RBFOX1: variants seen among roughly 807,000 people sequenced by gnomAD.
RBFOX1 encodes RNA binding fox-1 homolog 1, also known as RNA binding protein fox-1 homolog 1.
Under a neutral mutation model 57.7 loss-of-function variants are expected in RBFOX1, and 8 were observed. The ratio of observed to expected loss-of-function variants is 0.14; its 90% CI spans 0.08 to 0.25. The LOEUF is 0.25. Ranked by LOEUF, RBFOX1 falls within the 10% of genes least tolerant of loss-of-function variation. The pLI is 1.00. For synonymous variants in RBFOX1, 326 were observed against 222.4 expected, an observed-to-expected ratio of 1.47 and a Z score of -4.15; for missense variants, 611 against 548.5, an observed-to-expected ratio of 1.11 and a Z score of -1.14.
intron 3 of RBFOX1, among the ~76,000 whole-genome samples, chr16:6,871,167 A>G (rs2060800918): frequency 6.6e-6 from 1 of 152,174 alleles, no homozygotes; most frequent in African/African-American, 2.4e-5. Context: ...ACTGAAGTTT[A>G]ATTCCATGTT....
chr16:5,834,617 G>T (rs1334635587), intron 3 of RBFOX1, among the ~76,000 whole-genome samples: 1 of 151,828 alleles, frequency 6.6e-6, no homozygotes, highest in Non-Finnish European at 1.5e-5. Context: ...TAGATAGATA[G>T]ATAGATTGAC....
intron 3 of RBFOX1, among the ~76,000 whole-genome samples, chr16:6,713,458 G>A (rs944908873): frequency 6.6e-6 from 1 of 152,008 alleles, no homozygotes; most frequent in Non-Finnish European, 1.5e-5. Context: ...GAATAATGCT[G>A]TGCTGTAGGG....
chr16:6,424,013 G>T (rs972457538), intron 2 of RBFOX1, among the ~76,000 whole-genome samples: 1 of 152,102 alleles, frequency 6.6e-6, no homozygotes, highest in South Asian at 2.1e-4. Context: ...GCCGAGGCAG[G>T]TGGATCACTA....
At chr16:7,412,022 G>GA (rs1487511264) in intron 4 of RBFOX1, among the ~76,000 whole-genome samples, 1 of 151,840 alleles carries the variant, frequency 6.6e-6, no homozygotes, top group African/African-American at 2.4e-5. Flanking sequence ...TCCTGGAGCC[G>GA]AAAAAGGACA....
intron 3 of RBFOX1, among the ~76,000 whole-genome samples, chr16:7,018,191 C>T (rs143057030): frequency 1.3e-5 from 2 of 152,086 alleles, no homozygotes; most frequent in African/African-American, 4.8e-5. Flanking sequence ...ATTCGTGGAT[C>T]CTGCAAGTTA....
chr16:7,412,836 A>T (rs1475925859), intron 4 of RBFOX1, among the ~76,000 whole-genome samples: 1 of 152,118 alleles, frequency 6.6e-6, no homozygotes, highest in Non-Finnish European at 1.5e-5. Flanking sequence ...AGGTCAGGAG[A>T]TCGAGACCAT....
intron 4 of RBFOX1, among the ~76,000 whole-genome samples, chr16:7,187,587 G>A (rs897946059): frequency 5.3e-5 from 8 of 150,256 alleles, no homozygotes; most frequent in African/African-American, 2.0e-4. Context: ...TACTCGGGAG[G>A]TTGAGGCAGG....
chr16:5,803,112 T>C (rs1259722738), intron 3 of RBFOX1, among the ~76,000 whole-genome samples: 2 of 152,140 alleles, frequency 1.3e-5, no homozygotes, highest in African/African-American at 2.4e-5. Context: ...TGGATGGGAC[T>C]ATAGTCAGAG....
At chr16:6,789,725 A>C (rs62016117) in intron 3 of RBFOX1, among the ~76,000 whole-genome samples, 30,359 of 152,058 alleles carry the variant, frequency 0.2, 3,909 homozygotes, top group East Asian at 0.64. Flanking sequence ...GAATTTTCAC[A>C]GTAATTTACA....
At chr16:6,687,044 A>C (rs1036172612) in intron 3 of RBFOX1, among the ~76,000 whole-genome samples, 3 of 152,230 alleles carry the variant, frequency 2.0e-5, no homozygotes, top group Non-Finnish European at 2.9e-5. Flanking sequence ...AAATCTTTGC[A>C]GTGTTAAAAA....
At chr16:5,973,196 C>A (rs1401644585) in intron 4 of RBFOX1, among the ~76,000 whole-genome samples, 1 of 152,044 alleles carries the variant, frequency 6.6e-6, no homozygotes, top group East Asian at 1.9e-4. Context: ...GACTTACCGT[C>A]AAAAATATTA....
chr16:6,983,968 C>T (rs1767194696), intron 3 of RBFOX1, among the ~76,000 whole-genome samples: 1 of 152,130 alleles, frequency 6.6e-6, no homozygotes, highest in Non-Finnish European at 1.5e-5. Flanking sequence ...CTGGATCTGG[C>T]CTGGAGTGGT....
intron 3 of RBFOX1, among the ~76,000 whole-genome samples, chr16:6,791,817 A>C (rs1188240822): frequency 6.6e-6 from 1 of 152,202 alleles, no homozygotes; most frequent in Non-Finnish European, 1.5e-5. Context: ...GTGTGTACAC[A>C]GTCATACCTC....
At chr16:7,101,138 C>T (rs891689668) in intron 4 of RBFOX1, among the ~76,000 whole-genome samples, 2 of 152,136 alleles carry the variant, frequency 1.3e-5, no homozygotes, top group African/African-American at 2.4e-5. Flanking sequence ...CGATGCCTGC[C>T]GTTGGTTGCT....
chr16:5,431,489 C>G (rs996298812), intron 1 of RBFOX1, among the ~76,000 whole-genome samples: 2 of 151,982 alleles, frequency 1.3e-5, no homozygotes, highest in East Asian at 1.9e-4. Flanking sequence ...ATTCTTCTGC[C>G]TCAGACTCCT....
intron 6 of RBFOX1, among the ~76,000 whole-genome samples, chr16:7,580,386 C>T (rs369452155): frequency 2.0e-5 from 3 of 152,164 alleles, no homozygotes; most frequent in South Asian, 2.1e-4. Flanking sequence ...ATTTCAGATG[C>T]ATCAGCAGAG....
intron 4 of RBFOX1, among the ~76,000 whole-genome samples, chr16:7,173,595 T>C (rs1009153621): frequency 6.6e-6 from 1 of 152,158 alleles, no homozygotes; most frequent in South Asian, 2.1e-4. Context: ...ACTTTTACAC[T>C]TCAACTGCAA....
intron 4 of RBFOX1, among the ~76,000 whole-genome samples, chr16:7,451,026 A>C (rs1322528448): frequency 6.6e-6 from 1 of 152,044 alleles, no homozygotes; most frequent in Non-Finnish European, 1.5e-5. Flanking sequence ...TTCGCTTCTG[A>C]GTGGTAAACT....
At position 6,059,785 on chromosome 16, in the gene RBFOX1, A is replaced by C. The variant is rs145791450; in HGVS notation, c.-127+39793A>C. On this transcript the variant is annotated intron_variant, in intron 1 of 15. Transcript: ENST00000550418. ...TCACCATTCAGATAATGTACATTTC[A>C]CAACTGAAGCCCACTCAGAGATCAA... Among the ~76,000 whole-genome samples the C allele has an allele frequency of 2.3e-3, 357 of 152,318 alleles. 1 individual carries two copies. Among genetic ancestry groups the C allele is most frequent in the African/African-American group, 7.9e-3 (329 of 41,580 alleles).
Sources: allele counts gnomAD v4.1 joint callset (sites outside exome capture counted in the v4.1 genomes callset), GRCh38; gene constraint gnomAD v4.1.1; transcripts MANE v1.5; gene names NCBI Gene and HGNC (gene_info 2026-07-23, HGNC 2026-07-21).